Variants in UBE3C observed in about 807,000 individuals in gnomAD.
UBE3C encodes ubiquitin-protein ligase E3C.
Under a neutral mutation model 129.4 loss-of-function variants are expected in UBE3C, and 42 were observed. The observed-to-expected ratio is 0.32, with a 90% CI of 0.25 to 0.42. UBE3C has a LOEUF of 0.42. Ranked by LOEUF, UBE3C falls within the 10% of genes least tolerant of loss-of-function variation. The probability of loss-of-function intolerance (pLI) is 1.00; values close to 1 mark genes in which losing one functional copy is unlikely to be tolerated. For missense variants in UBE3C, 1,049 were observed against 1,319.1 expected (o/e 0.80, Z 3.17); for synonymous variants, 510 against 492.4 (o/e 1.04, Z -0.47).
chr7:157,195,472 A>G (rs1344938832), intron 10 of UBE3C, among the ~76,000 whole-genome samples: 1 of 152,232 alleles, frequency 6.6e-6, no homozygotes, highest in Non-Finnish European at 1.5e-5. Flanking sequence ...GATTACTCCC[A>G]GGCCTTGAAA....
rs202062799 is a variant in UBE3C at position 157,236,413 on chromosome 7, ATC to A, written c.2481+5088_2481+5089del. ...CCTATAAATCAGATTATTTGATATG[ATC>A]TTGGTTATATATTTGAAAATTTCAA... On this transcript the variant is annotated intron_variant, in intron 18 of 22. Transcript: ENST00000348165. Among the ~76,000 whole-genome samples the A allele has an allele frequency of 7.7e-3, 1,179 of 152,186 alleles. 9 individuals are homozygous for A. Among genetic ancestry groups the A allele is most frequent in the Middle Eastern group, 0.017 (5 of 294 alleles).
rs1183798556 is a variant in UBE3C at position 157,231,290 on chromosome 7, C to T, written c.2444C>T (p.Ala815Val). Reference protein sequence around the residue: ...AAQMLVGDSFARHYYFLGRML... With the variant: ...AAQMLVGDSFVRHYYFLGRML... ...CAGATGCTTGTGGGAGATTCTTTTG[C>T]CAGACATTACTACTTCCTAGGCAGA... The change falls in exon 18 of 23, where the codon GCC becomes GTC. Residue 815 changes from alanine to valine, a missense_variant. Physicochemically the swap from Ala to Val is moderately conservative, Grantham distance 64. Coordinates refer to ENST00000348165, the MANE Select transcript of UBE3C (RefSeq NM_014671.3). 1.2e-6 allele frequency: 2 copies of T among 1,614,036 alleles called. No homozygotes were observed. Among genetic ancestry groups the T allele is most frequent in the Admixed American group, 3.3e-5 (2 of 60,002 alleles).
chr7:157,150,642 T>G (rs1807731731), intron 1 of UBE3C, among the ~76,000 whole-genome samples: 1 of 152,258 alleles, frequency 6.6e-6, no homozygotes, highest in Admixed American at 6.5e-5. Flanking sequence ...TGATGCGTAT[T>G]AATGTCTGTC....
rs568850112 is a variant in UBE3C, at chr7:157,197,420, A to G, written c.1332-4301A>G. On this transcript the variant is annotated intron_variant, in intron 10 of 22. Transcript: ENST00000348165. ...CTCAAACATACTTATCTTAAGGTCT[A>G]TTCCTAATCCAGATTTGTCTATATT... Among the ~76,000 whole-genome samples, 38 of 152,294 alleles carry G rather than the reference A, an allele frequency of 2.5e-4. 1 individual carries two copies. In the South Asian group the frequency reaches 5.6e-3, roughly 22 times the overall value.
intron 1 of UBE3C, among the ~76,000 whole-genome samples, chr7:157,140,941 T>A (rs1309264253): frequency 2.6e-5 from 4 of 152,086 alleles, no homozygotes; most frequent in Non-Finnish European, 5.9e-5. Flanking sequence ...CAAGTGAAAT[T>A]GAGGAGGAAG....
At chr7:157,246,367 TC>T (rs1796477228) in intron 18 of UBE3C, among the ~76,000 whole-genome samples, 1 of 152,200 alleles carries the variant, frequency 6.6e-6, no homozygotes, top group African/African-American at 2.4e-5. Context: ...AGAAGCACAG[TC>T]CCGGCTCTCT....
chr7:157,145,993 C>T (rs1355251049), intron 1 of UBE3C, among the ~76,000 whole-genome samples: 3 of 152,122 alleles, frequency 2.0e-5, no homozygotes, highest in Non-Finnish European at 2.9e-5. Context: ...TTACCAAAGC[C>T]AAGGTAACCT....
chr7:157,248,279 T>A (rs1796532764), intron 18 of UBE3C, 89 bp from the exon 19 acceptor site: 27 of 1,170,124 alleles, frequency 2.3e-5, no homozygotes, highest in Non-Finnish European at 3.2e-5. Flanking sequence ...CTCTTAGGAT[T>A]GGGTTTAATA....
intron 11 of UBE3C, among the ~76,000 whole-genome samples, chr7:157,205,349 G>A (rs1809403431): frequency 6.6e-6 from 1 of 150,436 alleles, no homozygotes. Context: ...TTTTTTTTTG[G>A]ACCCAATATA....
chr7:157,143,253 T>G (rs766582538), intron 1 of UBE3C, among the ~76,000 whole-genome samples: 5 of 152,106 alleles, frequency 3.3e-5, no homozygotes, highest in Non-Finnish European at 7.3e-5. Flanking sequence ...GCAGTTTAAT[T>G]GGGGGTATGT....
intron 18 of UBE3C, among the ~76,000 whole-genome samples, chr7:157,237,945 G>A (rs1424529466): frequency 1.3e-5 from 2 of 151,864 alleles, no homozygotes; most frequent in African/African-American, 4.8e-5. Flanking sequence ...CCAGCTACTT[G>A]GGAGGCTGAG....
At chr7:157,212,730 G>A (rs545329224) in intron 13 of UBE3C, among the ~76,000 whole-genome samples, 1 of 152,258 alleles carries the variant, frequency 6.6e-6, no homozygotes, top group East Asian at 1.9e-4. Context: ...TAGAGCATGT[G>A]TAACAGTTGT....
chr7:157,165,322 T>C (rs78463056), intron 2 of UBE3C, among the ~76,000 whole-genome samples: 6,018 of 152,074 alleles, frequency 0.04, 393 homozygotes, highest in African/African-American at 0.14. Flanking sequence ...TTTATCCTTT[T>C]GAATATCTCT....
At chr7:157,265,522 C>T (rs3757827) in intron 22 of UBE3C, among the ~76,000 whole-genome samples, 21,297 of 152,224 alleles carry the variant, frequency 0.14, 1,947 homozygotes, top group East Asian at 0.36. Context: ...CTGTGAAAAC[C>T]AGGTACGTAT....
At chr7:157,197,238 G>C (rs1165748142) in intron 10 of UBE3C, among the ~76,000 whole-genome samples, 1 of 152,140 alleles carries the variant, frequency 6.6e-6, no homozygotes, top group East Asian at 1.9e-4. Flanking sequence ...AGTCAATGCT[G>C]CATCAAGAAA....
Position 157,257,058 on chromosome 7 carries a change from A to G in UBE3C, c.3081+14A>G, listed in dbSNP as rs747180157. ...TTGGGGTTTAAGGTACACAACTTTC[A>G]TGACATTTGCTTTAAAGACCACTTC... On this transcript the variant is annotated intron_variant, in intron 22 of 22. Transcript: ENST00000348165. 26 of 1,613,730 alleles carry G rather than the reference A, an allele frequency of 1.6e-5. No homozygotes were observed. The East Asian group carries it at 4.5e-4, about 28-fold the overall frequency.
At chr7:157,253,434 C>A (rs1427802582) in intron 19 of UBE3C, among the ~76,000 whole-genome samples, 1 of 152,160 alleles carries the variant, frequency 6.6e-6, no homozygotes, top group Non-Finnish European at 1.5e-5. Context: ...ATTGGCTGAT[C>A]TGTTATCACT....
intron 4 of UBE3C, among the ~76,000 whole-genome samples, chr7:157,172,881 T>C (rs991269823): frequency 2.0e-5 from 3 of 152,160 alleles, no homozygotes; most frequent in African/African-American, 7.2e-5. Flanking sequence ...TGCCTTTGAG[T>C]GAGGTCCTCA....
chr7:157,154,827 A>T (rs1271264938), intron 1 of UBE3C, among the ~76,000 whole-genome samples: 2 of 152,202 alleles, frequency 1.3e-5, no homozygotes, highest in East Asian at 1.9e-4. Context: ...CTTTATTTTT[A>T]AAAATGAGCT....
Sources: gnomAD v4.1 joint callset for allele counts (sites outside exome capture counted in the v4.1 genomes callset) on GRCh38, gnomAD v4.1.1 for gene constraint, MANE v1.5 for transcripts, NCBI Gene and HGNC (gene_info 2026-07-23, HGNC 2026-07-21) for gene names.